LRP1B: variants seen among roughly 807,000 people sequenced by gnomAD.
LRP1B encodes low-density lipoprotein receptor-related protein 1B.
Under a neutral mutation model 556.6 loss-of-function variants are expected in LRP1B, and 217 were observed. The observed-to-expected ratio is 0.39, with a 90% CI of 0.35 to 0.44. The LOEUF (loss-of-function observed/expected upper bound fraction) is 0.44, where lower values mean the gene tolerates loss of function less well. Ranked by LOEUF, LRP1B falls within the 20% of genes least tolerant of loss-of-function variation. LRP1B has a pLI of 1.00. For missense variants in LRP1B, 5,053 were observed against 5,620.8 expected, an observed-to-expected ratio of 0.90 and a Z score of 3.23; for synonymous variants, 2,047 against 1,865.8, an observed-to-expected ratio of 1.10 and a Z score of -2.50.
intron 32 of LRP1B, among the ~76,000 whole-genome samples, chr2:140,794,679 T>C (rs1012123104): frequency 2.0e-5 from 3 of 151,862 alleles, no homozygotes; most frequent in Admixed American, 6.6e-5. Context: ...AATGGTACAA[T>C]CTCGGCTCAC....
chr2:141,587,147 C>A (rs1294030670), intron 2 of LRP1B, among the ~76,000 whole-genome samples: 1 of 151,990 alleles, frequency 6.6e-6, no homozygotes, highest in African/African-American at 2.4e-5. Flanking sequence ...AAAACTAGGA[C>A]TGTAAAGCAA....
At chr2:141,408,620 G>GT (rs1690731725) in intron 3 of LRP1B, among the ~76,000 whole-genome samples, 1 of 151,832 alleles carries the variant, frequency 6.6e-6, no homozygotes. Flanking sequence ...TAAATCTATG[G>GT]TTTTTCATAC....
intron 2 of LRP1B, among the ~76,000 whole-genome samples, chr2:141,695,233 A>G (rs749462101): frequency 3.9e-5 from 6 of 152,006 alleles, no homozygotes; most frequent in Non-Finnish European, 5.9e-5. Context: ...GAGGAGGTGC[A>G]TAATATATAC....
chr2:141,432,801 T>C (rs1680609348), intron 3 of LRP1B, among the ~76,000 whole-genome samples: 1 of 151,798 alleles, frequency 6.6e-6, no homozygotes, highest in Non-Finnish European at 1.5e-5. Context: ...TGCTTTTTTT[T>C]CTTGGTCAAG....
At chr2:141,511,138 T>C (rs1684116891) in intron 2 of LRP1B, among the ~76,000 whole-genome samples, 1 of 152,132 alleles carries the variant, frequency 6.6e-6, no homozygotes, top group Non-Finnish European at 1.5e-5. Flanking sequence ...CCTCAAGGGA[T>C]TGGACTGGCA....
chr2:141,670,370 T>C (rs1690620342), intron 2 of LRP1B, among the ~76,000 whole-genome samples: 1 of 152,190 alleles, frequency 6.6e-6, no homozygotes, highest in East Asian at 1.9e-4. Context: ...TGTATAAAAA[T>C]AACACTTTAT....
intron 29 of LRP1B, 74 bp downstream of exon 29, chr2:140,850,028 A>C (rs535644173): frequency 2.1e-6 from 2 of 940,358 alleles, no homozygotes; most frequent in Non-Finnish European, 3.3e-6. Flanking sequence ...AAGAGAAAGA[A>C]TATAAAAGAT....
At chr2:140,496,273 G>A (rs186488652) in intron 55 of LRP1B, among the ~76,000 whole-genome samples, 1 of 151,822 alleles carries the variant, frequency 6.6e-6, no homozygotes, top group Non-Finnish European at 1.5e-5. Flanking sequence ...AATTACTTTT[G>A]TACCAATCTA....
chr2:141,048,887 T>G (rs1698955774), intron 11 of LRP1B, 99 bp downstream of exon 11: 2 of 895,310 alleles, frequency 2.2e-6, no homozygotes, highest in Non-Finnish European at 3.6e-6. Context: ...CCAGAAGAAC[T>G]TGAGTTCTGG....
chr2:141,638,688 G>A (rs893670662), intron 2 of LRP1B, among the ~76,000 whole-genome samples: 2 of 110,954 alleles, frequency 1.8e-5, no homozygotes, highest in African/African-American at 3.1e-5. Context: ...CCAGGAGTAC[G>A]CATCATCAAG....
At chr2:140,262,438 G>A (rs1287960625) in intron 86 of LRP1B, among the ~76,000 whole-genome samples, 1 of 152,100 alleles carries the variant, frequency 6.6e-6, no homozygotes, top group East Asian at 1.9e-4. Context: ...AGAAACTAAG[G>A]TTTGGAGAGG....
At chr2:140,327,579 G>A (rs1414871269) in intron 79 of LRP1B, among the ~76,000 whole-genome samples, 1 of 151,988 alleles carries the variant, frequency 6.6e-6, no homozygotes, top group Non-Finnish European at 1.5e-5. Context: ...ACTGAGAAGG[G>A]TTAAAAACAT....
intron 7 of LRP1B, among the ~76,000 whole-genome samples, chr2:141,173,271 C>T (rs1423716649): frequency 6.6e-6 from 1 of 152,054 alleles, no homozygotes; most frequent in Non-Finnish European, 1.5e-5. Flanking sequence ...TCAAGCAGTG[C>T]ACATCCCACA....
chr2:140,315,803 A>G (rs937183849), intron 82 of LRP1B, among the ~76,000 whole-genome samples: 1 of 152,178 alleles, frequency 6.6e-6, no homozygotes, highest in South Asian at 2.1e-4. Context: ...GTGTGAATAT[A>G]CATAGTATAG....
chr2:140,871,201 C>A (rs1693117599), intron 25 of LRP1B, among the ~76,000 whole-genome samples: 1 of 152,042 alleles, frequency 6.6e-6, no homozygotes, highest in Admixed American at 6.6e-5. Flanking sequence ...AATCTCAAAC[C>A]CCATTTTCTC....
intron 1 of LRP1B, among the ~76,000 whole-genome samples, chr2:142,115,032 T>C (rs1272537621): frequency 1.3e-5 from 2 of 152,004 alleles, no homozygotes; most frequent in South Asian, 4.1e-4. Context: ...TATGAATCCA[T>C]AAAAATTAAA....
At chr2:141,501,079 T>C (rs1683694665) in intron 2 of LRP1B, among the ~76,000 whole-genome samples, 1 of 152,166 alleles carries the variant, frequency 6.6e-6, no homozygotes, top group East Asian at 1.9e-4. Context: ...TGAAAAATCT[T>C]CTAAATATAA....
intron 60 of LRP1B, among the ~76,000 whole-genome samples, chr2:140,465,520 T>G (rs930645257): frequency 6.6e-6 from 1 of 152,112 alleles, no homozygotes; most frequent in Non-Finnish European, 1.5e-5. Flanking sequence ...TGCACAATAG[T>G]CTGGCAAAGC....
intron 2 of LRP1B, among the ~76,000 whole-genome samples, chr2:141,538,417 C>G (rs1001220463): frequency 3.9e-5 from 6 of 152,016 alleles, no homozygotes; most frequent in African/African-American, 1.4e-4. Flanking sequence ...CTGGAATCAC[C>G]ACTAAAAAGC....
Sources: gnomAD v4.1 joint callset for allele counts (sites outside exome capture counted in the v4.1 genomes callset) on GRCh38, gnomAD v4.1.1 for gene constraint, MANE v1.5 for transcripts, NCBI Gene and HGNC (gene_info 2026-07-23, HGNC 2026-07-21) for gene names.